Variants in CSMD1 observed in about 807,000 individuals in gnomAD.
The protein encoded by CSMD1 is CUB and Sushi multiple domains 1.
Under a neutral mutation model 417.5 loss-of-function variants are expected in CSMD1, and 213 were observed. The ratio of observed to expected loss-of-function variants is 0.51; its 90% confidence interval spans 0.46 to 0.57. The LOEUF (loss-of-function observed/expected upper bound fraction) is 0.57. Ranked by LOEUF, CSMD1 falls within the 20% of genes least tolerant of loss-of-function variation. CSMD1 has a pLI of 0.00. For synonymous variants in CSMD1, 2,862 were observed against 1,736.8 expected (o/e 1.65, Z -16.11); for missense variants, 6,923 against 4,529.7 (o/e 1.53, Z -15.17).
intron 3 of CSMD1, among the ~76,000 whole-genome samples, chr8:4,250,084 C>T (rs1398250210): frequency 6.6e-6 from 1 of 152,152 alleles, no homozygotes; most frequent in Non-Finnish European, 1.5e-5. Flanking sequence ...CCTCTTTGCC[C>T]TTCTGCCATG....
chr8:3,789,637 A>G (rs1268545897), intron 5 of CSMD1, among the ~76,000 whole-genome samples: 1 of 151,936 alleles, frequency 6.6e-6, no homozygotes, highest in Non-Finnish European at 1.5e-5. Flanking sequence ...CCTCTAAAAA[A>G]TAATAGTGAA....
rs182469843 is a variant in CSMD1, at chr8:3,083,457, A to G, written c.7474+3640T>C. ...ACTTTTCGAATCTATAATTTTTTTT[A>G]ATTTTTCTGATTATATATATTTTTG... On this transcript the variant is annotated intron_variant, in intron 49 of 69. Transcript: ENST00000635120. Among the ~76,000 whole-genome samples, 181 of 150,032 alleles carry G rather than the reference A, an allele frequency of 1.2e-3. 1 individual carries two copies. The highest frequency in any genetic ancestry group is 4.2e-3 in the African/African-American group (172 of 41,012).
At chr8:3,763,182 G>A (rs979820029) in intron 5 of CSMD1, among the ~76,000 whole-genome samples, 3 of 152,152 alleles carry the variant, frequency 2.0e-5, no homozygotes, top group African/African-American at 7.2e-5. Flanking sequence ...CAGAGCCCTA[G>A]GCCAGTCCCA....
chr8:3,981,908 T>C (rs893032524), intron 5 of CSMD1, among the ~76,000 whole-genome samples: 2 of 152,030 alleles, frequency 1.3e-5, no homozygotes, highest in Non-Finnish European at 2.9e-5. Flanking sequence ...CTAGTTACAA[T>C]TGCCTGTAAT....
intron 9 of CSMD1, among the ~76,000 whole-genome samples, chr8:3,582,173 G>A (rs981321155): frequency 1.2e-4 from 19 of 152,306 alleles, no homozygotes; most frequent in Non-Finnish European, 1.9e-4. Context: ...CTGCTGTACC[G>A]AACGTGTCAA....
intron 3 of CSMD1, among the ~76,000 whole-genome samples, chr8:4,143,715 A>G (rs577235350): frequency 1.7e-4 from 25 of 151,236 alleles, no homozygotes; most frequent in Admixed American, 4.6e-4. Flanking sequence ...TAACAAAGGA[A>G]AGAAACATAG....
intron 25 of CSMD1, 36 bp downstream of exon 25, chr8:3,307,657 CTT>C (rs1804982431): frequency 1.2e-6 from 2 of 1,601,634 alleles, no homozygotes; most frequent in African/African-American, 1.3e-5. Context: ...AGGCATATCT[CTT>C]TTCTCAAATC....
rs1244166224 is a variant in CSMD1, at chr8:3,609,881, C to A, written c.1097+6829G>T. 1.7e-5 allele frequency among the ~76,000 whole-genome samples: 2 copies of A among 114,778 alleles called. 1 individual carries two copies. The highest frequency in any genetic ancestry group is 6.3e-4 in the South Asian group (2 of 3,168). The allele number at this position is 114,778 out of a possible 152,430, so 75.3% of individuals were successfully genotyped here. On this transcript the variant is annotated intron_variant, in intron 8 of 69. Transcript: ENST00000635120. ...TCCCCCAGGCTGAAGTGAAGTGGTG[C>A]GATCTCGGCTCCTGGGTTCAAACGA...
chr8:3,144,798 G>GA (rs199919370), intron 40 of CSMD1, among the ~76,000 whole-genome samples: 2,353 of 86,974 alleles, frequency 0.027, 116 homozygotes, highest in African/African-American at 0.081. Flanking sequence ...GCAACAAGGG[G>GA]GGGGGGGAGG....
chr8:3,424,726 T>G (rs1457845123), intron 12 of CSMD1, among the ~76,000 whole-genome samples: 2 of 152,232 alleles, frequency 1.3e-5, no homozygotes, highest in Admixed American at 6.5e-5. Context: ...TCCTTCTTGA[T>G]TATCAGGTCA....
intron 1 of CSMD1, among the ~76,000 whole-genome samples, chr8:4,764,489 A>G (rs545924779): frequency 1.2e-4 from 18 of 152,304 alleles, no homozygotes; most frequent in Non-Finnish European, 2.4e-4. Flanking sequence ...TAAGTCGAGA[A>G]GACAATTAGT....
intron 22 of CSMD1, among the ~76,000 whole-genome samples, chr8:3,347,359 C>G (rs938276554): frequency 2.0e-5 from 3 of 152,168 alleles, no homozygotes; most frequent in African/African-American, 7.2e-5. Context: ...AAGGGCATTT[C>G]TAGTTGGAGC....
intron 1 of CSMD1, among the ~76,000 whole-genome samples, chr8:4,959,055 C>T (rs116055000): frequency 6.6e-6 from 1 of 152,038 alleles, no homozygotes; most frequent in Non-Finnish European, 1.5e-5. Context: ...TATATGTCAT[C>T]AAATGGAAGA....
Position 3,381,105 on chromosome 8 carries a change from T to C in CSMD1, c.2782+6389A>G, listed in dbSNP as rs547725592. On this transcript the variant is annotated intron_variant, in intron 18 of 69. Coordinates refer to ENST00000635120, the MANE Select transcript of CSMD1 (RefSeq NM_033225.6). Reference sequence around the variant, plus strand: ...AGTTTTCATTACCAGATCAAGAGCATACGTAATTCAATGACTGTGCTATGA... The same window carrying C: ...AGTTTTCATTACCAGATCAAGAGCACACGTAATTCAATGACTGTGCTATGA... Among the ~76,000 whole-genome samples, 67 of 152,206 alleles carry C rather than the reference T, an allele frequency of 4.4e-4. No individual in the cohort carries two copies. In the East Asian group the frequency reaches 6.2e-3, roughly 14 times the overall value.
At chr8:3,954,162 T>G (rs992270618) in intron 5 of CSMD1, among the ~76,000 whole-genome samples, 2 of 152,050 alleles carry the variant, frequency 1.3e-5, no homozygotes, top group Admixed American at 6.5e-5. Context: ...CTGTAGAAAC[T>G]TCAGCCCTTG....
chr8:4,402,852 G>T (rs543741657), intron 3 of CSMD1, among the ~76,000 whole-genome samples: 2 of 111,784 alleles, frequency 1.8e-5, no homozygotes, highest in South Asian at 2.9e-4. Context: ...ACAGAGCCTT[G>T]CTCTGTTGCC....
At chr8:3,710,536 G>T (rs989432227) in intron 6 of CSMD1, among the ~76,000 whole-genome samples, 1 of 152,122 alleles carries the variant, frequency 6.6e-6, no homozygotes, top group South Asian at 2.1e-4. Context: ...GTGGACAATT[G>T]CCCTTTGGGA....
rs926592078 is a variant in CSMD1, at chr8:4,124,217, C to A, written c.416-92118G>T. ...GTACGACCAGGAGGAAGCTTCAGGG[C>A]TCCTGGGCAGGGGAGTGTGAGGCCT... is the stretch of plus-strand genomic sequence containing the variant. On this transcript the variant is annotated intron_variant, in intron 3 of 69. Coordinates refer to ENST00000635120, the MANE Select transcript of CSMD1 (RefSeq NM_033225.6). Among the ~76,000 whole-genome samples the A allele has an allele frequency of 3.3e-5, 5 of 152,216 alleles. No individual in the cohort carries two copies. In the South Asian group the frequency reaches 1.0e-3, roughly 32 times the overall value.
chr8:4,751,091 G>A (rs983893525), intron 1 of CSMD1, among the ~76,000 whole-genome samples: 1 of 152,074 alleles, frequency 6.6e-6, no homozygotes, highest in Non-Finnish European at 1.5e-5. Context: ...CATCGTTAAA[G>A]AGAGCATGTC....
Sources: gnomAD v4.1 joint callset for allele counts (sites outside exome capture counted in the v4.1 genomes callset) on GRCh38, gnomAD v4.1.1 for gene constraint, MANE v1.5 for transcripts, NCBI Gene and HGNC (gene_info 2026-07-23, HGNC 2026-07-21) for gene names.